NRG3: variants seen among roughly 807,000 people sequenced by gnomAD.
The protein encoded by NRG3 is pro-neuregulin-3, membrane-bound isoform.
In NRG3, 31 loss-of-function variants were observed where a neutral mutation model predicts 66.9. The observed-to-expected ratio is 0.46, with a 90% CI of 0.35 to 0.63. NRG3 has a LOEUF of 0.63. Among genes scored for constraint, NRG3 ranks in the 20% least tolerant of loss-of-function variants. The pLI is 0.00. For synonymous variants in NRG3, 393 were observed against 359.4 expected (o/e 1.09, Z -1.06); for missense variants, 910 against 878.9 (o/e 1.04, Z -0.45).
chr10:82,744,162 C>T (rs1409052791), intron 3 of NRG3, among the ~76,000 whole-genome samples: 1 of 152,178 alleles, frequency 6.6e-6, no homozygotes, highest in Non-Finnish European at 1.5e-5. Context: ...GATTTCTTCA[C>T]TCATTCATTC....
At chr10:82,502,875 G>T (rs1844328330) in intron 2 of NRG3, among the ~76,000 whole-genome samples, 1 of 152,232 alleles carries the variant, frequency 6.6e-6, no homozygotes, top group East Asian at 1.9e-4. Context: ...GACAATTCTA[G>T]GTCTTAGTAT....
chr10:82,340,828 G>A (rs1440337639), intron 1 of NRG3: 1 of 152,102 alleles, frequency 6.6e-6, no homozygotes, highest in Non-Finnish European at 1.5e-5. Context: ...AAGTTGTCAT[G>A]GCCGTGCACA....
intron 4 of NRG3, among the ~76,000 whole-genome samples, chr10:82,927,627 A>G (rs576238129): frequency 7.2e-5 from 11 of 152,240 alleles, no homozygotes; most frequent in Admixed American, 1.3e-4. Flanking sequence ...GTTTGCTGAG[A>G]ATGATGGTTT....
At chr10:82,716,750 A>G (rs2056997049) in intron 2 of NRG3, among the ~76,000 whole-genome samples, 2 of 152,196 alleles carry the variant, frequency 1.3e-5, no homozygotes, top group South Asian at 4.1e-4. Flanking sequence ...ACATCATAGG[A>G]AGCAAATTAA....
chr10:82,159,890 G>A (rs541596757), intron 1 of NRG3, among the ~76,000 whole-genome samples: 6 of 152,026 alleles, frequency 3.9e-5, no homozygotes, highest in African/African-American at 1.2e-4. Flanking sequence ...TGTGGATGCT[G>A]TCAGATGTTC....
At chr10:82,054,842 T>TAATA (rs998722092) in intron 1 of NRG3, among the ~76,000 whole-genome samples, 36,295 of 150,696 alleles carry the variant, frequency 0.24, 4,439 homozygotes, top group Middle Eastern at 0.33. Flanking sequence ...CCCAGATCTA[T>TAATA]AAAAAAAAAT....
At chr10:82,497,276 A>G (rs1040469575) in intron 2 of NRG3, among the ~76,000 whole-genome samples, 1 of 152,218 alleles carries the variant, frequency 6.6e-6, no homozygotes, top group Non-Finnish European at 1.5e-5. Flanking sequence ...AAAAATCAAA[A>G]TAACAGTCTT....
At chr10:82,211,515 A>G (rs2075392653) in intron 1 of NRG3, among the ~76,000 whole-genome samples, 1 of 152,112 alleles carries the variant, frequency 6.6e-6, no homozygotes. Context: ...AAAGAATGCA[A>G]TCCCTCCAGA....
At chr10:82,784,165 CT>C (rs2060242794) in intron 3 of NRG3, among the ~76,000 whole-genome samples, 1 of 152,086 alleles carries the variant, frequency 6.6e-6, no homozygotes, top group Non-Finnish European at 1.5e-5. Flanking sequence ...ATGTAGAAAG[CT>C]GAAACTGGAT....
intron 1 of NRG3, among the ~76,000 whole-genome samples, chr10:82,229,626 C>T (rs1175257795): frequency 4.6e-5 from 7 of 152,166 alleles, no homozygotes. Context: ...TCCTTCTTCA[C>T]ATGGCAGCAG....
chr10:82,735,036 A>G (rs1307585329), intron 2 of NRG3, among the ~76,000 whole-genome samples: 1 of 151,866 alleles, frequency 6.6e-6, no homozygotes, highest in Non-Finnish European at 1.5e-5. Context: ...AAAGAAGGGA[A>G]GGGAAGAAGG....
intron 1 of NRG3, among the ~76,000 whole-genome samples, chr10:82,052,577 C>T (rs1167144345): frequency 6.6e-6 from 1 of 152,072 alleles, no homozygotes; most frequent in African/African-American, 2.4e-5. Context: ...ATATTTGTTC[C>T]CTGATCTGTT....
At chr10:82,618,645 A>G (rs1024028549) in intron 2 of NRG3, among the ~76,000 whole-genome samples, 6 of 152,190 alleles carry the variant, frequency 3.9e-5, no homozygotes, top group African/African-American at 1.4e-4. Context: ...GGAATCCACA[A>G]TAGAAGAAAA....
At chr10:82,073,398 C>T (rs1219845523) in intron 1 of NRG3, among the ~76,000 whole-genome samples, 1 of 152,140 alleles carries the variant, frequency 6.6e-6, no homozygotes, top group Non-Finnish European at 1.5e-5. Context: ...AGAAATATAA[C>T]ATCTGTCACA....
intron 1 of NRG3, among the ~76,000 whole-genome samples, chr10:82,130,030 C>T (rs1029235736): frequency 2.6e-5 from 4 of 151,844 alleles, no homozygotes; most frequent in Non-Finnish European, 5.9e-5. Flanking sequence ...TAGTAACCAT[C>T]ATTCTACTCT....
intron 1 of NRG3, among the ~76,000 whole-genome samples, chr10:82,327,360 G>C (rs1383891625): frequency 6.6e-6 from 1 of 152,188 alleles, no homozygotes; most frequent in East Asian, 1.9e-4. Context: ...CTCAGCAGTA[G>C]ATGGGGCTGA....
chr10:82,021,993 T>G (rs1433629340), intron 1 of NRG3, among the ~76,000 whole-genome samples: 2 of 152,056 alleles, frequency 1.3e-5, no homozygotes, highest in Non-Finnish European at 2.9e-5. Context: ...GATGCTTTTT[T>G]TTTTCTGCTC....
intron 1 of NRG3, among the ~76,000 whole-genome samples, chr10:82,238,911 C>CATATATATATATATATATATATATATAT (rs1259297077): frequency 2.3e-5 from 2 of 87,884 alleles, no homozygotes; most frequent in African/African-American, 8.7e-5. Flanking sequence ...TAGGTTATAC[C>CATATATATATATATATATATATATATAT]GTATATATAT....
At chr10:82,704,758 C>T (rs1166143300) in intron 2 of NRG3, among the ~76,000 whole-genome samples, 2 of 152,110 alleles carry the variant, frequency 1.3e-5, no homozygotes, top group Admixed American at 6.6e-5. Context: ...AATATTACCT[C>T]ATAATTATTC....
Sources: allele counts gnomAD v4.1 joint callset (sites outside exome capture counted in the v4.1 genomes callset), GRCh38; gene constraint gnomAD v4.1.1; transcripts MANE v1.5; gene names NCBI Gene and HGNC (gene_info 2026-07-23, HGNC 2026-07-21).